The following POU6F1 variants were observed in gnomAD, a reference collection of about 807,000 sequenced individuals.
The protein encoded by POU6F1 is POU domain, class 6, transcription factor 1.
A neutral mutation model predicts 28.9 loss-of-function variants in POU6F1; 9 were observed. The ratio of observed to expected loss-of-function variants is 0.31; its 90% CI spans 0.19 to 0.54. POU6F1 has a LOEUF of 0.54. Among genes scored for constraint, POU6F1 ranks in the 20% least tolerant of loss-of-function variants. POU6F1 has a pLI of 0.94. For missense variants in POU6F1, 338 were observed against 426.1 expected (o/e 0.79, Z 1.82); for synonymous variants, 173 against 171.1 (o/e 1.01, Z -0.09).
Position 51,217,270 on chromosome 12 carries a change from C to A in POU6F1, c.-48+372G>T, listed in dbSNP as rs1354787853. Reference sequence around the variant, plus strand: ...GCCACTGGTTCTGTGTACAGAGCGTCCCCTGTGGTCCGCACCCCACAAGGG... The same window carrying A: ...GCCACTGGTTCTGTGTACAGAGCGTACCCTGTGGTCCGCACCCCACAAGGG... On this transcript the variant is annotated intron_variant, in intron 1 of 10. Coordinates refer to ENST00000333640, the MANE Select transcript of POU6F1 (RefSeq NM_001330422.2). This position sits in a 1 kb window ranked among gnomAD's most constrained non-coding sequence, Gnocchi z 5.3. Among the ~76,000 whole-genome samples the A allele has an allele frequency of 6.6e-6, 1 of 152,204 alleles. No homozygotes were observed. Among genetic ancestry groups the A allele is most frequent in the African/African-American group, 2.4e-5 (1 of 41,464 alleles).
At chr12:51,207,014 TAA>T (rs201377013) in intron 1 of POU6F1, 131 bp from the exon 2 acceptor site, 14,871 of 324,432 alleles carry the variant, frequency 0.046, 1 homozygote, top group East Asian at 0.079. Context: ...CTGTAGAGGT[TAA>T]AAAAAAAAAA....
chr12:51,192,383 G>A lies in POU6F1; in HGVS notation c.1268C>T (p.Ala423Val), dbSNP rs1440192477. 2 of 1,614,190 alleles carry A rather than the reference G, an allele frequency of 1.2e-6. No individual in the cohort carries two copies. Among genetic ancestry groups the A allele is most frequent in the Non-Finnish European group, 1.7e-6 (2 of 1,180,042 alleles). ...CTCTGAGCAGGTAATTGGGATAGGA[G>A]CAGAGGCAGATGGCTTGGCGGCTGG... is the stretch of plus-strand genomic sequence containing the variant. ...PAPAAKPSAS[A>V]PIPITCSETP... Residue 423 changes from alanine (A) to valine (V), a missense_variant, in exon 9 of 11, where the codon GCT (alanine) becomes GTT (valine). This residue lies in a region of POU6F1 where 206 missense variants were observed against 225.6 expected (regional missense o/e 0.91). Transcript: ENST00000333640.
chr12:51,215,574 A>C (rs1395255063), intron 1 of POU6F1, among the ~76,000 whole-genome samples: 1 of 151,268 alleles, frequency 6.6e-6, no homozygotes, highest in Non-Finnish European at 1.5e-5. Context: ...AAAAAAAAAA[A>C]AAAGAGAGAT....
rs928141098 is a variant in POU6F1 at position 51,190,685 on chromosome 12, G to C, written c.1491-93C>G. 3 of 1,525,392 alleles carry C rather than the reference G, an allele frequency of 2.0e-6. No homozygotes were observed. The Admixed American group carries it at 6.0e-5, about 31-fold the overall frequency. The allele number at this position is 1,525,392 out of a possible 1,614,324, so 94.5% of individuals were successfully genotyped here. ...TAGGTGCAGGCTCCATCCTCAAGGG[G>C]CCGCTCCTCTAGGGGCTGGTGAGAC... On this transcript the variant is annotated intron_variant, in intron 10 of 10. Coordinates refer to ENST00000333640, the MANE Select transcript of POU6F1 (RefSeq NM_001330422.2). This position sits in a 1 kb window ranked among gnomAD's most constrained non-coding sequence, Gnocchi z 4.5.
At chr12:51,195,081 C>T (rs1942720255) in intron 8 of POU6F1, among the ~76,000 whole-genome samples, 1 of 152,196 alleles carries the variant, frequency 6.6e-6, no homozygotes, top group Admixed American at 6.5e-5. Flanking sequence ...GCATGTGATA[C>T]TTGTTGCAGT....
rs542057265 is a variant in POU6F1 at position 51,206,773 on chromosome 12, C to G, written c.48+16G>C. 1.3e-4 allele frequency: 50 copies of G among 398,842 alleles called. No homozygotes were observed. Among genetic ancestry groups the G allele is most frequent in the African/African-American group, 9.7e-4 (47 of 48,678 alleles). The allele number at this position is 398,842 out of a possible 1,614,324, so 24.7% of individuals were successfully genotyped here. A position where few individuals can be genotyped will look rare whatever the true frequency, so the allele number is the denominator to read the frequency against. On this transcript the variant is annotated intron_variant, in intron 2 of 10. Coordinates refer to ENST00000333640, the MANE Select transcript of POU6F1 (RefSeq NM_001330422.2). ...TCCATCACCCTTACCCCCCCACTTC[C>G]CACCCCAGAAGATACCTGCTCATTG...
At chr12:51,192,912 A>G (rs1352710675) in intron 8 of POU6F1, among the ~76,000 whole-genome samples, 1 of 152,058 alleles carries the variant, frequency 6.6e-6, no homozygotes, top group Non-Finnish European at 1.5e-5. Flanking sequence ...CTCAAAAAAA[A>G]AAAAAAGCAA....
chr12:51,204,168 C>T lies in POU6F1; in HGVS notation c.244+5G>A, dbSNP rs1943408562. 7.5e-6 allele frequency: 3 copies of T among 399,100 alleles called. No individual in the cohort carries two copies. Among genetic ancestry groups the T allele is most frequent in the Admixed American group, 4.4e-5 (1 of 22,716 alleles). The allele number at this position is 399,100 out of a possible 1,614,324, so 24.7% of individuals were successfully genotyped here. A position where few individuals can be genotyped will look rare whatever the true frequency, so the allele number is the denominator to read the frequency against. On this transcript the variant is annotated splice_donor_5th_base_variant and intron_variant, in intron 3 of 10. Coordinates refer to ENST00000333640, the MANE Select transcript of POU6F1 (RefSeq NM_001330422.2). ...CAGTACCAGGTGGGGGTGATGGCCT[C>T]GTACCAGTTGCCTCTGCAGAGGAGC...
intron 1 of POU6F1, among the ~76,000 whole-genome samples, chr12:51,212,842 G>A (rs1244513486): frequency 6.7e-6 from 1 of 150,012 alleles, no homozygotes; most frequent in African/African-American, 2.4e-5. Flanking sequence ...AAATAAGAAG[G>A]TAACTACAAT....
intron 1 of POU6F1, among the ~76,000 whole-genome samples, chr12:51,210,739 C>A (rs941413295): frequency 1.3e-5 from 2 of 152,158 alleles, no homozygotes; most frequent in Non-Finnish European, 2.9e-5. Flanking sequence ...TAGCCTCTAG[C>A]CACACCTAAG....
intron 6 of POU6F1, 22 bp downstream of exon 6, chr12:51,197,748 C>A: frequency 5.0e-6 from 2 of 399,666 alleles, no homozygotes; most frequent in Non-Finnish European, 4.4e-6. Context: ...CTGGTCAGCC[C>A]TGGGTGAGGG....
intron 6 of POU6F1, among the ~76,000 whole-genome samples, chr12:51,197,301 A>G (rs150453120): frequency 1.2e-3 from 184 of 152,214 alleles, no homozygotes; most frequent in African/African-American, 4.1e-3. Flanking sequence ...GCAGGGCCAC[A>G]GTCATGGAAA....
intron 2 of POU6F1, among the ~76,000 whole-genome samples, chr12:51,204,901 A>G (rs897572263): frequency 2.6e-5 from 4 of 152,152 alleles, no homozygotes; most frequent in Admixed American, 1.3e-4. Flanking sequence ...TCTATCGCCC[A>G]TGATTCCTTT....
At chr12:51,203,003 G>A (rs1040087361) in intron 3 of POU6F1, among the ~76,000 whole-genome samples, 13 of 152,030 alleles carry the variant, frequency 8.6e-5, no homozygotes, top group African/African-American at 2.9e-4. Flanking sequence ...AGTTTCCACC[G>A]CTCTAAGCTG....
chr12:51,191,623 G>A lies in POU6F1; in HGVS notation c.1463C>T (p.Pro488Leu), dbSNP rs1942421583. 2 of 1,613,572 alleles carry A rather than the reference G, an allele frequency of 1.2e-6. No individual in the cohort carries two copies. The highest frequency in any genetic ancestry group is 2.7e-5 in the African/African-American group (2 of 74,930). The change falls in exon 10 of 11, where the codon CCA becomes CTA. Residue 488 changes from proline to leucine, a missense_variant. Physicochemically the swap from Pro to Leu is moderately conservative, Grantham distance 98. This residue lies in a region of POU6F1 where 126 missense variants were observed against 176.5 expected (regional missense o/e 0.71). Transcript: ENST00000333640. ...VGQALTATEGPAYSQSAICRF... is the reference protein window; with the variant it reads ...VGQALTATEGLAYSQSAICRF... The stretch of plus-strand genomic sequence containing the variant: ...GCAGATGGCTGACTGGCTGTAGGCT[G>A]GACCTTCCGTTGCAGTCAGAGCCTG...
intron 2 of POU6F1, among the ~76,000 whole-genome samples, chr12:51,205,291 C>T (rs1246631071): frequency 2.6e-5 from 4 of 152,086 alleles, no homozygotes; most frequent in African/African-American, 4.8e-5. Context: ...CCGCCCACCT[C>T]GGCCTCCCAA....
intron 2 of POU6F1, among the ~76,000 whole-genome samples, 189 bp from the exon 3 acceptor site, chr12:51,204,557 A>T (rs1943448854): frequency 6.6e-6 from 1 of 152,080 alleles, no homozygotes; most frequent in African/African-American, 2.4e-5. Flanking sequence ...CCAGGGAAGG[A>T]GCTGCTGGAA....
rs1378015286 is a variant in POU6F1, at chr12:51,188,354, C to A, written c.*1893G>T. The A allele has an allele frequency of 1.3e-5, 2 of 152,208 alleles. No homozygotes were observed. Among genetic ancestry groups the A allele is most frequent in the African/African-American group, 4.8e-5 (2 of 41,452 alleles). The allele number at this position is 152,208 out of a possible 1,614,324, so 9.4% of individuals were successfully genotyped here. On this transcript the variant is annotated 3_prime_UTR_variant, in exon 11 of 11. Transcript: ENST00000333640. ...ATCTCATTGAGGCAGGTCGATAACC[C>A]TGAACTAGAGTGTGGAGACTCTCTG...
chr12:51,204,769 C>T (rs1943464604), intron 2 of POU6F1, among the ~76,000 whole-genome samples: 1 of 152,160 alleles, frequency 6.6e-6, no homozygotes, highest in Non-Finnish European at 1.5e-5. Context: ...GGGCTCCTAA[C>T]ATGGTATCCA....
Sources: allele counts gnomAD v4.1 joint callset (sites outside exome capture counted in the v4.1 genomes callset), GRCh38; gene constraint gnomAD v4.1.1; regional missense constraint gnomAD v4.1.1; non-coding constraint Gnocchi (gnomAD v3.1); transcripts MANE v1.5; gene names NCBI Gene and HGNC (gene_info 2026-07-23, HGNC 2026-07-21).